COL4A4: variants seen among roughly 807,000 people sequenced by gnomAD.
The protein encoded by COL4A4 is collagen type IV alpha 4 chain, also known as collagen alpha-4(IV) chain.
A neutral mutation model predicts 192.9 loss-of-function variants in COL4A4; 105 were observed. That is an observed-to-expected ratio of 0.54 (90% CI 0.46 to 0.64). The LOEUF is 0.64. Among genes scored for constraint, COL4A4 ranks in the 30% least tolerant of loss-of-function variants. COL4A4 has a pLI of 0.00. For missense variants in COL4A4, 1,967 were observed against 2,169.3 expected (o/e 0.91, Z 1.85); for synonymous variants, 762 against 769.9 (o/e 0.99, Z 0.17).
At chr2:227,035,251 G>A (rs1163760977) in intron 37 of COL4A4, among the ~76,000 whole-genome samples, 2 of 152,164 alleles carry the variant, frequency 1.3e-5, no homozygotes, top group Non-Finnish European at 2.9e-5. Context: ...CTACAAAAAG[G>A]AGCAGGGTAG....
At chr2:227,089,980 G>A in intron 20 of COL4A4, 23 bp from the exon 21 acceptor site, 3 of 1,582,642 alleles carry the variant, frequency 1.9e-6, no homozygotes, top group Non-Finnish European at 2.6e-6. Flanking sequence ...TAAGGGGGTG[G>A]GCAGAGAGAA....
At chr2:227,130,048 T>A (rs1369084412) in intron 4 of COL4A4, among the ~76,000 whole-genome samples, 1 of 152,080 alleles carries the variant, frequency 6.6e-6, no homozygotes. Flanking sequence ...CCTCCCCTAT[T>A]GCAGGAAAAA....
chr2:226,999,770 C>T (rs1299634099), downstream of COL4A4, among the ~76,000 whole-genome samples: 1 of 152,154 alleles, frequency 6.6e-6, no homozygotes, highest in Non-Finnish European at 1.5e-5. Context: ...ATCTGGGACA[C>T]ACACAAGCAA....
intron 27 of COL4A4, 101 bp downstream of exon 27, chr2:227,060,035 A>G (rs1976499797): frequency 1.2e-6 from 1 of 804,596 alleles, no homozygotes; most frequent in Non-Finnish European, 2.0e-6. Context: ...TCCCTGGACC[A>G]TTTCCTCAAT....
intron 44 of COL4A4, among the ~76,000 whole-genome samples, chr2:227,013,693 A>G (rs1472887687): frequency 6.6e-6 from 1 of 152,246 alleles, no homozygotes; most frequent in African/African-American, 2.4e-5. Flanking sequence ...TGTGTCAGTG[A>G]TACTTTGTTG....
chr2:227,112,209 C>G (rs369722010), intron 8 of COL4A4, among the ~76,000 whole-genome samples: 5 of 152,202 alleles, frequency 3.3e-5, no homozygotes, highest in African/African-American at 9.6e-5. Flanking sequence ...TATATATTCT[C>G]TTGAATGAAG....
At chr2:227,081,365 C>T (rs947332215) in intron 23 of COL4A4, among the ~76,000 whole-genome samples, 3 of 152,228 alleles carry the variant, frequency 2.0e-5, no homozygotes, top group Non-Finnish European at 4.4e-5. Context: ...TTCTCCTGTG[C>T]TGAATGCTTC....
chr2:227,102,200 T>C (rs570251515), intron 15 of COL4A4, among the ~76,000 whole-genome samples: 2 of 152,382 alleles, frequency 1.3e-5, no homozygotes, highest in African/African-American at 4.8e-5. Flanking sequence ...AACTTAGTGC[T>C]TGCACTGGGC....
chr2:227,159,442 C>T (rs2064633626), intron 1 of COL4A4, among the ~76,000 whole-genome samples: 1 of 152,184 alleles, frequency 6.6e-6, no homozygotes, highest in Non-Finnish European at 1.5e-5. Flanking sequence ...TTTTTAATTC[C>T]ATGCTTTAAG....
intron 25 of COL4A4, among the ~76,000 whole-genome samples, chr2:227,075,878 C>G (rs898335527): frequency 1.5e-4 from 23 of 152,022 alleles, no homozygotes; most frequent in Non-Finnish European, 3.2e-4. Flanking sequence ...AGTGAACTCC[C>G]ATTCACAATT....
At chr2:227,040,254 G>A (rs751181868) in intron 37 of COL4A4, among the ~76,000 whole-genome samples, 1 of 152,172 alleles carries the variant, frequency 6.6e-6, no homozygotes, top group African/African-American at 2.4e-5. Flanking sequence ...CAGGTGGAAG[G>A]AGAAAGGAAG....
chr2:227,076,601 T>C (rs1302005156), intron 25 of COL4A4, among the ~76,000 whole-genome samples: 2 of 152,042 alleles, frequency 1.3e-5, no homozygotes, highest in African/African-American at 4.8e-5. Flanking sequence ...ATGATTAAAA[T>C]ACCAAAAGCA....
intron 45 of COL4A4, among the ~76,000 whole-genome samples, chr2:227,011,810 TC>T (rs1162979301): frequency 2.0e-5 from 3 of 152,170 alleles, no homozygotes; most frequent in Admixed American, 6.5e-5. Context: ...ACACACACCG[TC>T]CCTGAGGTCT....
chr2:226,975,166 C>T, the COL4A4 span, among the ~76,000 whole-genome samples: 1 of 152,030 alleles, frequency 6.6e-6, no homozygotes, highest in African/African-American at 2.4e-5. Context: ...TAATATGGTG[C>T]CCCAGAATGA....
intron 28 of COL4A4, among the ~76,000 whole-genome samples, chr2:227,058,366 T>C (rs1331934197): frequency 6.6e-6 from 1 of 152,244 alleles, no homozygotes; most frequent in Non-Finnish European, 1.5e-5. Context: ...CCTTCTTCCA[T>C]TGAACACTTC....
chr2:227,070,662 T>C (rs1418984954), intron 25 of COL4A4, among the ~76,000 whole-genome samples: 1 of 128,918 alleles, frequency 7.8e-6, no homozygotes, highest in Non-Finnish European at 1.5e-5. Context: ...AGGTGGGAAT[T>C]GAACAATGAG....
chr2:226,990,515 A>T, the COL4A4 span, among the ~76,000 whole-genome samples: 1 of 152,230 alleles, frequency 6.6e-6, no homozygotes, highest in Admixed American at 6.5e-5. Flanking sequence ...CATGGGCAGG[A>T]TCTATGAATA....
intron 22 of COL4A4, 35 bp from the exon 23 acceptor site, chr2:227,082,222 T>C (rs915189648): frequency 3.3e-6 from 5 of 1,503,624 alleles, no homozygotes; most frequent in African/African-American, 1.4e-5. Flanking sequence ...ATTAGGTTAA[T>C]TGTGATGGAT....
chr2:227,052,862 G>A (rs6760928), intron 31 of COL4A4, among the ~76,000 whole-genome samples: 8,404 of 152,034 alleles, frequency 0.055, 760 homozygotes, highest in African/African-American at 0.19. Flanking sequence ...CCCTCACACT[G>A]ACTTCTGAAA....
Sources: allele counts gnomAD v4.1 joint callset (sites outside exome capture counted in the v4.1 genomes callset), GRCh38; gene constraint gnomAD v4.1.1; transcripts MANE v1.5; gene names NCBI Gene and HGNC (gene_info 2026-07-23, HGNC 2026-07-21).